The following BRF1 variants were observed in gnomAD, a reference collection of about 807,000 sequenced individuals.
The protein encoded by BRF1 is transcription factor IIIB 90 kDa subunit.
BRF1 carries 59 observed loss-of-function variants against 81.7 expected under a neutral mutation model. That is an observed-to-expected ratio of 0.72 (90% confidence interval 0.59 to 0.90). The LOEUF (loss-of-function observed/expected upper bound fraction) is 0.90, where lower values mean the gene tolerates loss of function less well. Among genes scored for constraint, BRF1 ranks in the 40% least tolerant of loss-of-function variants. The probability of loss-of-function intolerance (pLI) is 0.00; values close to 1 mark genes in which losing one functional copy is unlikely to be tolerated. For missense variants in BRF1, 1,050 were observed against 936.3 expected, an observed-to-expected ratio of 1.12 and a Z score of -1.58; for synonymous variants, 491 against 395.6, an observed-to-expected ratio of 1.24 and a Z score of -2.86.
At position 105,314,972 on chromosome 14, in the gene BRF1, G is replaced by A. The variant is rs999286279; in HGVS notation, c.-162+350C>T. 6.5e-6 allele frequency: 8 copies of A among 1,234,292 alleles called. No homozygotes were observed. In the African/African-American group the frequency reaches 1.1e-4, roughly 17 times the overall value. 76.5% of individuals were successfully genotyped at this position (1,234,292 alleles called of 1,614,324 possible). On this transcript the variant is annotated intron_variant, in intron 1 of 17. Coordinates refer to the BRF1 transcript ENST00000327359. Reference sequence around the variant, plus strand: ...CCGGCGCGCCCGGCGCGCTCAACACGCCCGTGCCCATGAACCTGTTCGCCA... The same window carrying A: ...CCGGCGCGCCCGGCGCGCTCAACACACCCGTGCCCATGAACCTGTTCGCCA...
chr14:105,211,408 T>C lies in BRF1; in HGVS notation c.1825-115A>G, dbSNP rs1890093069. On this transcript the variant is annotated intron_variant, in intron 16 of 17. Coordinates refer to ENST00000547530, the MANE Select transcript of BRF1 (RefSeq NM_001519.4). ...TGCTCAGCCACTCCCGCCACACCAG[T>C]GGCTCCCGGGGTTGGCCAGGGCTCC... 8.6e-6 allele frequency: 9 copies of C among 1,045,752 alleles called. No individual in the cohort carries two copies. In the Admixed American group the frequency reaches 1.6e-4, roughly 18 times the overall value. The allele number at this position is 1,045,752 out of a possible 1,614,324, so 64.8% of individuals were successfully genotyped here.
chr14:105,250,794 G>A, intron 5 of BRF1: 1 of 1,059,628 alleles, frequency 9.4e-7, no homozygotes, highest in Non-Finnish European at 1.4e-6. Flanking sequence ...GTAGTCAGCT[G>A]AAGCTTGACT....
chr14:105,248,971 C>G, intron 5 of BRF1: 1 of 981,516 alleles, frequency 1.0e-6, no homozygotes, highest in Non-Finnish European at 1.2e-6. Flanking sequence ...CCGCGCAGCC[C>G]GCCCAGCGCC....
At chr14:105,227,777 T>C (rs1484559740) in intron 7 of BRF1, 1 of 152,240 alleles carries the variant, frequency 6.6e-6, no homozygotes, top group Non-Finnish European at 1.5e-5. Flanking sequence ...TTCAAACACG[T>C]TTCATCAAAG....
At chr14:105,248,585 G>A in intron 5 of BRF1, 3 of 610,068 alleles carry the variant, frequency 4.9e-6, no homozygotes, top group Non-Finnish European at 6.1e-6. Context: ...GGGCGGGCGG[G>A]CGGGACGGCG....
intron 5 of BRF1, chr14:105,250,773 C>T (rs1323031388): frequency 1.6e-6 from 2 of 1,242,196 alleles, no homozygotes; most frequent in Admixed American, 2.5e-5. Flanking sequence ...AACTTTGTCT[C>T]TCTTTGACAT....
Position 105,209,572 on chromosome 14 carries a change from C to A in BRF1, c.*979G>T, listed in dbSNP as rs1260262004. ...CGGGGCAGCCATGCCAGAGCTGAGA[C>A]CTCCTACGAGTGGTACTGGGGCCTT... On this transcript the variant is annotated 3_prime_UTR_variant, in exon 18 of 18. Transcript: ENST00000547530. 1.1e-5 allele frequency: 8 copies of A among 702,726 alleles called. No homozygotes were observed. Among genetic ancestry groups the A allele is most frequent in the Non-Finnish European group, 2.1e-5 (8 of 384,898 alleles). The allele number at this position is 702,726 out of a possible 1,614,324, so 43.5% of individuals were successfully genotyped here. A position where few individuals can be genotyped will look rare whatever the true frequency, so the allele number is the denominator to read the frequency against.
At chr14:105,255,851 G>A (rs1261667196) in intron 4 of BRF1, among the ~76,000 whole-genome samples, 4 of 152,216 alleles carry the variant, frequency 2.6e-5, no homozygotes, top group African/African-American at 9.7e-5. Context: ...AAGAGGCCAG[G>A]TATGGTTGTT....
At chr14:105,305,662 G>C (rs753463047), upstream of BRF1, among the ~76,000 whole-genome samples, 1 of 152,230 alleles carries the variant, frequency 6.6e-6, no homozygotes, top group African/African-American at 2.4e-5. Flanking sequence ...ATAAAGAATG[G>C]AGCCAGGTTA....
intron 6 of BRF1, among the ~76,000 whole-genome samples, chr14:105,241,015 T>A (rs2054567274): frequency 1.3e-5 from 2 of 152,184 alleles, no homozygotes; most frequent in Non-Finnish European, 2.9e-5. Context: ...GTAGGCAACC[T>A]GGGGTCAAGG....
chr14:105,273,642 T>C (rs1209768126), intron 2 of BRF1, among the ~76,000 whole-genome samples: 2 of 152,188 alleles, frequency 1.3e-5, no homozygotes, highest in African/African-American at 4.8e-5. Context: ...CTGTGCTGTA[T>C]GGAATCAAGG....
At position 105,211,195 on chromosome 14, in the gene BRF1, C is replaced by T. The variant is rs746894924; in HGVS notation, c.1923G>A (p.Glu641=). The T allele has an allele frequency of 6.2e-6, 10 of 1,612,132 alleles. No individual in the cohort carries two copies. The South Asian group carries it at 6.6e-5, about 11-fold the overall frequency. The change falls in exon 17 of 18, where the codon GAG becomes GAA. Residue 641 remains glutamate (E), a synonymous_variant. Transcript: ENST00000547530. Reference sequence around the variant, plus strand: ...CCTCGTCAGGCTCCTCCTCGTCAGCCTCCTCGTCGGCGTGGTATGACACGG... The same window carrying T: ...CCTCGTCAGGCTCCTCCTCGTCAGCTTCCTCGTCGGCGTGGTATGACACGG... ...SGPVSYHADE[E]ADEEEPDEED...
In BRF1 at chr14:105,270,030, G is replaced by C. The variant is rs587669824; in HGVS notation, c.439+2691C>G. On this transcript the variant is annotated intron_variant, in intron 3 of 17. Transcript: ENST00000547530. The stretch of plus-strand genomic sequence containing the variant: ...GCCGGGGCAAGCAGACAGCAGGCGG[G>C]GCGGGCAGGGACGCGGGCGTGGGCT... Among the ~76,000 whole-genome samples, 63 of 152,304 alleles carry C rather than the reference G, an allele frequency of 4.1e-4. No individual in the cohort carries two copies. In the South Asian group the frequency reaches 0.013, roughly 32 times the overall value.
intron 12 of BRF1, chr14:105,219,824 G>A (rs1402210378): frequency 1.4e-5 from 8 of 572,218 alleles, no homozygotes; most frequent in East Asian, 5.8e-5. Flanking sequence ...GCTATGTGCC[G>A]AGGGCCGCAA....
At chr14:105,219,474 T>C (rs587595555) in intron 12 of BRF1, 5 of 788,166 alleles carry the variant, frequency 6.3e-6, no homozygotes, top group East Asian at 2.8e-5. Context: ...CTAGGGCAGC[T>C]TGCAAGCCCT....
chr14:105,291,372 C>T (rs779097690), intron 1 of BRF1, among the ~76,000 whole-genome samples: 29 of 152,220 alleles, frequency 1.9e-4, no homozygotes, highest in African/African-American at 6.5e-4. Context: ...TTAATATTCA[C>T]GTGCTCATTC....
Position 105,220,657 on chromosome 14 carries a change from C to T in BRF1, c.1316-527G>A, listed in dbSNP as rs145221459. ...AACCTGCCTGTCACCCCTGCCCAGC[C>T]CCACGCAGTCCAGGCAGCATCTGCA... On this transcript the variant is annotated intron_variant, in intron 11 of 17. Coordinates refer to ENST00000547530, the MANE Select transcript of BRF1 (RefSeq NM_001519.4). Among the ~76,000 whole-genome samples, 1,458 of 152,284 alleles carry T rather than the reference C, an allele frequency of 9.6e-3. 50 individuals carry two copies. The highest frequency in any genetic ancestry group is 0.065 in the Admixed American group (988 of 15,300).
intron 15 of BRF1, among the ~76,000 whole-genome samples, chr14:105,216,925 A>C (rs1308458899): frequency 6.6e-6 from 1 of 152,194 alleles, no homozygotes; most frequent in African/African-American, 2.4e-5. Flanking sequence ...CAGGCCCCCA[A>C]GACGCAGCAG....
chr14:105,218,326 C>T (rs587770924), intron 14 of BRF1, among the ~76,000 whole-genome samples: 8 of 152,202 alleles, frequency 5.3e-5, no homozygotes, highest in African/African-American at 9.7e-5. Context: ...CCCCGCTGCA[C>T]GATGACCTTC....
Sources: allele counts gnomAD v4.1 joint callset (sites outside exome capture counted in the v4.1 genomes callset), GRCh38; gene constraint gnomAD v4.1.1; transcripts MANE v1.5; gene names NCBI Gene and HGNC (gene_info 2026-07-23, HGNC 2026-07-21).